ARHGEF11: variants seen among roughly 807,000 people sequenced by gnomAD.
ARHGEF11 encodes Rho guanine nucleotide exchange factor 11.
Under a neutral mutation model 193.7 loss-of-function variants are expected in ARHGEF11, and 55 were observed. That is an observed-to-expected ratio of 0.28 (90% CI 0.23 to 0.36). ARHGEF11 has a LOEUF of 0.36. ARHGEF11 is among the 10% of genes least tolerant of loss of function. ARHGEF11 has a pLI of 1.00. For synonymous variants in ARHGEF11, 693 were observed against 768.0 expected (o/e 0.90, Z 1.62); for missense variants, 1,723 against 2,005.6 (o/e 0.86, Z 2.69).
chr1:156,981,716 C>G (rs928946576), intron 3 of ARHGEF11, among the ~76,000 whole-genome samples: 2 of 152,178 alleles, frequency 1.3e-5, no homozygotes, highest in Admixed American at 1.3e-4. Flanking sequence ...CTCAGGCAAT[C>G]CTCCTGGCTT....
intron 21 of ARHGEF11, among the ~76,000 whole-genome samples, chr1:156,953,255 G>A (rs1462759863): frequency 6.6e-6 from 1 of 152,196 alleles, no homozygotes; most frequent in South Asian, 2.1e-4. Context: ...ACCAGGCTGG[G>A]CATATAGTGA....
At chr1:156,945,395 A>G in intron 29 of ARHGEF11, 198 bp from the exon 30 acceptor site, 1 of 590,336 alleles carries the variant, frequency 1.7e-6, no homozygotes, top group Non-Finnish European at 3.0e-6. Context: ...CAGGTCTCAG[A>G]CAGATCACTG....
rs189551619 is a variant in ARHGEF11 at position 156,949,203 on chromosome 1, C to T, written c.1926-705G>A. ...GGCCTTTTTACTGATAGGCAGGACC[C>T]GCTCCTTGGCCTGCCGTGCTTGGCT... On this transcript the variant is annotated intron_variant, in intron 22 of 40. Coordinates refer to ENST00000368194, the MANE Select transcript of ARHGEF11 (RefSeq NM_198236.3). 1.7e-4 allele frequency: 122 copies of T among 702,018 alleles called. No homozygotes were observed. The African/African-American group carries it at 1.9e-3, about 11-fold the overall frequency. The allele number at this position is 702,018 out of a possible 1,614,324, so 43.5% of individuals were successfully genotyped here. A position where few individuals can be genotyped will look rare whatever the true frequency, so the allele number is the denominator to read the frequency against.
At chr1:156,986,263 A>G in intron 1 of ARHGEF11, 90 bp from the exon 2 acceptor site, 2 of 1,151,374 alleles carry the variant, frequency 1.7e-6, no homozygotes, top group South Asian at 1.3e-5. Flanking sequence ...AGGGGCCCTG[A>G]GTCTTGGATA....
intron 37 of ARHGEF11, 69 bp from the exon 38 acceptor site, chr1:156,938,582 C>G (rs1262930808): frequency 2.7e-6 from 4 of 1,500,684 alleles, no homozygotes; most frequent in Non-Finnish European, 3.7e-6. Context: ...GGAGAGAGAA[C>G]AGGAAGGAGA....
At chr1:156,974,214 T>C (rs190051625) in intron 7 of ARHGEF11, among the ~76,000 whole-genome samples, 1 of 152,230 alleles carries the variant, frequency 6.6e-6, no homozygotes, top group African/African-American at 2.4e-5. Context: ...ACTGCAGGCA[T>C]GCACCATTAT....
intron 18 of ARHGEF11, 33 bp from the exon 19 acceptor site, chr1:156,956,597 A>T (rs1244866984): frequency 6.2e-7 from 1 of 1,612,532 alleles, no homozygotes; most frequent in Non-Finnish European, 8.5e-7. Context: ...TGAATCAGAG[A>T]GCTCAAGTTA....
intron 21 of ARHGEF11, among the ~76,000 whole-genome samples, chr1:156,954,106 G>A (rs558844678): frequency 1.3e-3 from 194 of 151,796 alleles, no homozygotes; most frequent in African/African-American, 3.8e-3. Context: ...CTGACCGGGC[G>A]CAGTGGCTCA....
At chr1:156,947,545 T>C (rs1658371132) in intron 25 of ARHGEF11, 95 bp from the exon 26 acceptor site, 1 of 1,426,256 alleles carries the variant, frequency 7.0e-7, no homozygotes, top group East Asian at 2.5e-5. Context: ...CACCACTCTA[T>C]TTTTGGGGGA....
chr1:156,995,381 T>C (rs1666334401), intron 1 of ARHGEF11, among the ~76,000 whole-genome samples: 1 of 152,120 alleles, frequency 6.6e-6, no homozygotes, highest in African/African-American at 2.4e-5. Context: ...CCTCAGGGGC[T>C]TTCTCTCCCC....
In ARHGEF11 at chr1:157,023,697, G is replaced by A. The variant is rs193274959; in HGVS notation, c.32+20602C>T. ...TGAAGAATCATTTGAAACAGGGAGG[G>A]GGAGGTTGCAGTGAGCCAAGATTGT... On this transcript the variant is annotated intron_variant, in intron 1 of 40. Coordinates refer to ENST00000368194, the MANE Select transcript of ARHGEF11 (RefSeq NM_198236.3). Among the ~76,000 whole-genome samples the A allele has an allele frequency of 6.4e-4, 97 of 151,966 alleles. 2 individuals are homozygous for A. In the East Asian group the frequency reaches 0.018, roughly 28 times the overall value.
At chr1:156,993,151 G>A (rs964285303) in intron 1 of ARHGEF11, among the ~76,000 whole-genome samples, 1 of 152,204 alleles carries the variant, frequency 6.6e-6, no homozygotes, top group East Asian at 1.9e-4. Flanking sequence ...CCATTTTCCA[G>A]TGTGTGAACA....
intron 1 of ARHGEF11, among the ~76,000 whole-genome samples, chr1:157,023,765 C>CAAA (rs34617659): frequency 4.8e-5 from 6 of 124,542 alleles, no homozygotes; most frequent in Admixed American, 8.3e-5. Flanking sequence ...GACTCCATCT[C>CAAA]AAAAAAAAAA....
At chr1:156,951,432 T>C (rs1659082833) in intron 22 of ARHGEF11, 141 bp downstream of exon 22, 2 of 1,123,516 alleles carry the variant, frequency 1.8e-6, no homozygotes, top group African/African-American at 1.6e-5. Context: ...CTGAAGATAC[T>C]GGGGGTGGGG....
chr1:157,000,406 C>T (rs937389208), intron 1 of ARHGEF11, among the ~76,000 whole-genome samples: 4 of 152,102 alleles, frequency 2.6e-5, no homozygotes, highest in Non-Finnish European at 5.9e-5. Flanking sequence ...TACTTTATAC[C>T]TTGTATAAAC....
At chr1:157,002,095 C>T (rs1667276960) in intron 1 of ARHGEF11, among the ~76,000 whole-genome samples, 1 of 152,152 alleles carries the variant, frequency 6.6e-6, no homozygotes, top group South Asian at 2.1e-4. Context: ...ATGAATGAAC[C>T]ATGTGGTCCC....
intron 1 of ARHGEF11, among the ~76,000 whole-genome samples, chr1:157,036,092 A>G (rs1247354402): frequency 6.9e-6 from 1 of 144,508 alleles, no homozygotes; most frequent in Non-Finnish European, 1.5e-5. Flanking sequence ...TATATATGAA[A>G]ATACATATAT....
At chr1:157,042,696 C>G (rs1558001885) in intron 1 of ARHGEF11, among the ~76,000 whole-genome samples, 1 of 152,124 alleles carries the variant, frequency 6.6e-6, no homozygotes, top group African/African-American at 2.4e-5. Context: ...ATATCCAAAC[C>G]CCCAGGAGTG....
intron 37 of ARHGEF11, chr1:156,939,148 C>T (rs1030405250): frequency 7.3e-6 from 2 of 273,056 alleles, no homozygotes; most frequent in Non-Finnish European, 1.4e-5. Flanking sequence ...GCTGCATGCA[C>T]CTGCCCTGTC....
Sources: allele counts gnomAD v4.1 joint callset (sites outside exome capture counted in the v4.1 genomes callset), GRCh38; gene constraint gnomAD v4.1.1; transcripts MANE v1.5; gene names NCBI Gene and HGNC (gene_info 2026-07-23, HGNC 2026-07-21).